The following ADRA1B variants were observed in gnomAD, a reference collection of about 807,000 sequenced individuals.
ADRA1B encodes adrenoceptor alpha 1B.
In ADRA1B, 17 loss-of-function variants were observed where a neutral mutation model predicts 17.9. That is an observed-to-expected ratio of 0.95 (90% CI 0.65 to 1.42). The LOEUF is 1.42. Ranked by LOEUF, ADRA1B falls within the 40% of genes most tolerant of loss-of-function variation. The pLI is 0.00. For synonymous variants in ADRA1B, 366 were observed against 327.6 expected, an observed-to-expected ratio of 1.12 and a Z score of -1.27; for missense variants, 681 against 722.1, an observed-to-expected ratio of 0.94 and a Z score of 0.65.
Position 159,886,689 on chromosome 5 carries a change from G to A in ADRA1B, c.-256+21483G>A, listed in dbSNP as rs528376384. On this transcript the variant is annotated intron_variant, in intron 1 of 2. Coordinates refer to the ADRA1B transcript ENST00000641205. ...ATATTGATGTTGGCAATGTCATCACGCTAATATAACAAACAGAAATGGGAA... is the reference window on the plus strand; with the variant it reads ...ATATTGATGTTGGCAATGTCATCACACTAATATAACAAACAGAAATGGGAA... Among the ~76,000 whole-genome samples the A allele has an allele frequency of 1.6e-4, 25 of 152,240 alleles. 1 individual carries two copies. Among genetic ancestry groups the A allele is most frequent in the Middle Eastern group, 6.8e-3 (2 of 294 alleles).
chr5:159,922,648 C>G (rs751758450), intron 1 of ADRA1B, among the ~76,000 whole-genome samples: 8 of 152,120 alleles, frequency 5.3e-5, no homozygotes, highest in Non-Finnish European at 1.0e-4. Context: ...ACAAGGGTCT[C>G]TCAGGATTGG....
rs185910538 is a variant in ADRA1B at position 159,899,551 on chromosome 5, C to T, written c.-255-16568C>T. ...TCCAGATCCATCCTCCTGAGCAGGA[C>T]TCCTAAGTATGCCCATACTGACAGT... is the stretch of plus-strand genomic sequence containing the variant. On this transcript the variant is annotated intron_variant, in intron 1 of 2. Transcript: ENST00000641205. 3.3e-5 allele frequency among the ~76,000 whole-genome samples: 5 copies of T among 152,332 alleles called. No homozygotes were observed. The East Asian group carries it at 9.6e-4, about 29-fold the overall frequency.
At chr5:159,963,442 T>G (rs78171423) in intron 1 of ADRA1B, among the ~76,000 whole-genome samples, 1 of 152,140 alleles carries the variant, frequency 6.6e-6, no homozygotes, top group African/African-American at 2.4e-5. Flanking sequence ...GCAACTTACC[T>G]ATATCAAATT....
intron 1 of ADRA1B, among the ~76,000 whole-genome samples, chr5:159,910,482 G>T (rs2113133554): frequency 6.6e-6 from 1 of 152,272 alleles, no homozygotes; most frequent in East Asian, 1.9e-4. Context: ...CTCTTTCTGG[G>T]CCTTCTGTGT....
At chr5:159,876,413 CTTTCTTATCCAGGA>C (rs1174592250) in intron 1 of ADRA1B, among the ~76,000 whole-genome samples, 1 of 152,212 alleles carries the variant, frequency 6.6e-6, no homozygotes, top group Non-Finnish European at 1.5e-5. Context: ...TCCTATGTCT[CTTTCTTATCCAGGA>C]GCAAAATATT....
Position 159,972,689 on chromosome 5 carries a change from C to T in ADRA1B, c.*197C>T, listed in dbSNP as rs1172934694. ...CCAGGTACCACGCGGAAAGCCGGGC[C>T]GAGCATGCTGAGAGCCTGGGGGACC... On this transcript the variant is annotated 3_prime_UTR_variant, in exon 2 of 2. Transcript: ENST00000306675. 6.2e-6 allele frequency: 4 copies of T among 642,950 alleles called. No individual in the cohort carries two copies. The highest frequency in any genetic ancestry group is 3.4e-5 in the East Asian group (1 of 29,186). The allele number at this position is 642,950 out of a possible 1,614,324, so 39.8% of individuals were successfully genotyped here.
intron 1 of ADRA1B, among the ~76,000 whole-genome samples, chr5:159,920,556 A>G (rs1172817303): frequency 6.6e-6 from 1 of 152,116 alleles, no homozygotes; most frequent in Non-Finnish European, 1.5e-5. Flanking sequence ...GAGATCTTCC[A>G]GTGATTTGTC....
At chr5:159,981,556 C>T in the ADRA1B span, among the ~76,000 whole-genome samples, 494 of 152,212 alleles carry the variant, frequency 3.2e-3, 4 homozygotes, top group Non-Finnish European at 4.3e-3. Flanking sequence ...AGTGCAGTGA[C>T]GCGATCTCGG....
chr5:159,973,524 G>A (rs1755926368), downstream of ADRA1B, among the ~76,000 whole-genome samples: 2 of 152,148 alleles, frequency 1.3e-5, no homozygotes, highest in South Asian at 4.1e-4. Flanking sequence ...GCACTCCACT[G>A]ATTGTTTGCC....
downstream of ADRA1B, among the ~76,000 whole-genome samples, chr5:159,976,984 A>G (rs1755981964): frequency 6.6e-6 from 1 of 152,218 alleles, no homozygotes; most frequent in Non-Finnish European, 1.5e-5. Context: ...GTTGGGATGA[A>G]TAATAAATGA....
chr5:159,978,065 A>G, the ADRA1B span, among the ~76,000 whole-genome samples: 1 of 151,872 alleles, frequency 6.6e-6, no homozygotes, highest in African/African-American at 2.4e-5. Context: ...ATTTTTCTCC[A>G]TAGTACTTAT....
At chr5:159,891,931 G>A (rs572071989) in intron 1 of ADRA1B, among the ~76,000 whole-genome samples, 87 of 152,236 alleles carry the variant, frequency 5.7e-4, no homozygotes, top group African/African-American at 1.8e-3. Flanking sequence ...GGGGTTCCTC[G>A]TGATAAATGA....
chr5:159,870,573 G>T (rs1343214132), intron 1 of ADRA1B: 1 of 152,180 alleles, frequency 6.6e-6, no homozygotes, highest in Non-Finnish European at 1.5e-5. Context: ...ACTCCTGTAA[G>T]TGAAGATACA....
At chr5:159,929,466 T>TAA (rs1316388720) in intron 1 of ADRA1B, among the ~76,000 whole-genome samples, 6 of 150,002 alleles carry the variant, frequency 4.0e-5, no homozygotes, top group African/African-American at 1.5e-4. Context: ...TTTTTTTTTT[T>TAA]AAAAAGAGGG....
At chr5:159,902,785 A>G (rs1754117105) in intron 1 of ADRA1B, among the ~76,000 whole-genome samples, 1 of 152,226 alleles carries the variant, frequency 6.6e-6, no homozygotes, top group Non-Finnish European at 1.5e-5. Flanking sequence ...CCCCATCTAT[A>G]AAATGTGGAA....
chr5:159,952,970 G>A (rs1428996867), intron 1 of ADRA1B, among the ~76,000 whole-genome samples: 2 of 152,210 alleles, frequency 1.3e-5, no homozygotes, highest in African/African-American at 4.8e-5. Context: ...CCCTGTTGCA[G>A]TTACACAGGG....
chr5:159,870,677 G>C (rs1753726795), intron 1 of ADRA1B: 1 of 152,194 alleles, frequency 6.6e-6, no homozygotes, highest in African/African-American at 2.4e-5. Flanking sequence ...GGAAAAAGTG[G>C]CATGTTAAAG....
chr5:159,972,134 C>G lies in ADRA1B; in HGVS notation c.1205C>G (p.Ser402Trp), dbSNP rs931846104. The change falls in exon 2 of 2, where the codon TCG becomes TGG. Residue 402 changes from serine to tryptophan, a missense_variant. Around this residue, in one of 3 missense-constraint regions of ADRA1B, gnomAD observed 251 missense variants for 224.9 expected, o/e 1.12. Coordinates refer to ENST00000306675, the MANE Select transcript of ADRA1B (RefSeq NM_000679.4). ...TRGGSLERSQ[S>W]RKDSLDDSGS... ...GGCGGCTCGCTGGAGCGCTCGCAGT[C>G]GCGCAAGGACTCGCTGGACGACAGC... 7 of 1,334,308 alleles carry G rather than the reference C, an allele frequency of 5.2e-6. No homozygotes were observed. The highest frequency in any genetic ancestry group is 1.5e-5 in the African/African-American group (1 of 65,290). 82.7% of individuals were successfully genotyped at this position (1,334,308 alleles called of 1,614,324 possible). A position where few individuals can be genotyped will look rare whatever the true frequency, so the allele number is the denominator to read the frequency against.
At chr5:159,986,775 G>T in the ADRA1B span, among the ~76,000 whole-genome samples, 1 of 152,202 alleles carries the variant, frequency 6.6e-6, no homozygotes, top group Non-Finnish European at 1.5e-5. Flanking sequence ...ACTTTACGAT[G>T]GGTTTTTGGA....
Sources: allele counts gnomAD v4.1 joint callset (sites outside exome capture counted in the v4.1 genomes callset), GRCh38; gene constraint gnomAD v4.1.1; regional missense constraint gnomAD v4.1.1; transcripts MANE v1.5; gene names NCBI Gene and HGNC (gene_info 2026-07-23, HGNC 2026-07-21).